The following ATXN1 variants were observed in gnomAD, a reference collection of about 807,000 sequenced individuals.
ATXN1 encodes ataxin-1.
ATXN1 carries 8 observed loss-of-function variants against 56.4 expected under a neutral mutation model. That is an observed-to-expected ratio of 0.14 (90% confidence interval 0.08 to 0.26). ATXN1 has a LOEUF of 0.26. ATXN1 is among the 10% of genes least tolerant of loss of function. ATXN1 has a pLI of 1.00. For missense variants in ATXN1, 987 were observed against 1,106.5 expected (o/e 0.89, Z 1.53); for synonymous variants, 514 against 494.6 (o/e 1.04, Z -0.52).
chr6:16,510,050 T>C (rs1342645614), intron 5 of ATXN1, among the ~76,000 whole-genome samples: 1 of 152,228 alleles, frequency 6.6e-6, no homozygotes, highest in African/African-American at 2.4e-5. Flanking sequence ...AAGTGATCAC[T>C]TCTATCTTTA....
At chr6:16,443,342 C>T (rs1304641841) in intron 6 of ATXN1, among the ~76,000 whole-genome samples, 1 of 151,680 alleles carries the variant, frequency 6.6e-6, no homozygotes, top group African/African-American at 2.4e-5. Flanking sequence ...TCAACGACTT[C>T]ACCTTGTTTT....
At chr6:16,335,643 C>G (rs1014968214) in intron 6 of ATXN1, among the ~76,000 whole-genome samples, 1 of 152,166 alleles carries the variant, frequency 6.6e-6, no homozygotes, top group African/African-American at 2.4e-5. Context: ...CACTCAGAAC[C>G]TGGGAATGGC....
At chr6:16,371,017 A>G (rs960508786) in intron 6 of ATXN1, among the ~76,000 whole-genome samples, 14 of 152,188 alleles carry the variant, frequency 9.2e-5, no homozygotes, top group African/African-American at 3.4e-4. Context: ...AGTCCCTACT[A>G]TTGGGAGCAT....
chr6:16,638,990 A>T lies in ATXN1; in HGVS notation c.-489+18786T>A, dbSNP rs531498627. ...GGGACTTGGAGAACTTTTCTGTCTT[A>T]CAAGGGGATTGTAAAATGCACCAAT... On this transcript the variant is annotated intron_variant, in intron 3 of 7. Coordinates refer to ENST00000436367, the MANE Select transcript of ATXN1 (RefSeq NM_001128164.2). Among the ~76,000 whole-genome samples the T allele has an allele frequency of 5.3e-5, 8 of 152,308 alleles. No homozygotes were observed. The East Asian group carries it at 1.5e-3, about 29-fold the overall frequency.
intron 3 of ATXN1, among the ~76,000 whole-genome samples, chr6:16,596,945 C>T (rs2113776370): frequency 6.6e-6 from 1 of 152,348 alleles, no homozygotes. Context: ...CTCTCTTTTA[C>T]CTGCTGCCAC....
At chr6:16,314,010 A>G (rs998119039) in intron 7 of ATXN1, among the ~76,000 whole-genome samples, 2 of 152,204 alleles carry the variant, frequency 1.3e-5, no homozygotes, top group Non-Finnish European at 2.9e-5. Context: ...AGATGCCACG[A>G]CCAGATATCA....
intron 5 of ATXN1, among the ~76,000 whole-genome samples, chr6:16,497,361 AAGAG>A (rs1456520181): frequency 6.6e-6 from 1 of 152,200 alleles, no homozygotes; most frequent in East Asian, 1.9e-4. Flanking sequence ...CCAGCAGAAA[AAGAG>A]AGAAAGAAAG....
chr6:16,427,943 G>A (rs1759191086), intron 6 of ATXN1, among the ~76,000 whole-genome samples: 1 of 152,140 alleles, frequency 6.6e-6, no homozygotes, highest in South Asian at 2.1e-4. Context: ...CTGTGGGAGG[G>A]GGTGCTCAGC....
At chr6:16,489,956 G>C (rs1162249587) in intron 5 of ATXN1, among the ~76,000 whole-genome samples, 1 of 152,100 alleles carries the variant, frequency 6.6e-6, no homozygotes, top group Admixed American at 6.5e-5. Flanking sequence ...GTTCCCAGGT[G>C]ATGCTGATAC....
chr6:16,676,652 T>C (rs1758667047), intron 2 of ATXN1, among the ~76,000 whole-genome samples: 1 of 152,182 alleles, frequency 6.6e-6, no homozygotes, highest in Non-Finnish European at 1.5e-5. Flanking sequence ...GTGGAATGGA[T>C]TCTTCTTCCT....
chr6:16,488,600 C>A (rs907738780), intron 5 of ATXN1, among the ~76,000 whole-genome samples: 1 of 152,162 alleles, frequency 6.6e-6, no homozygotes, highest in Non-Finnish European at 1.5e-5. Flanking sequence ...CAACTTAATT[C>A]TTCCACTAAG....
At chr6:16,550,153 T>TACAAAAAAAAAAAAAAAAAAAAAAAAA (rs1761893336) in intron 4 of ATXN1, among the ~76,000 whole-genome samples, 1 of 34,190 alleles carries the variant, frequency 2.9e-5, no homozygotes. Flanking sequence ...ATAAATAAAA[T>TACAAAAAAAAAAAAAAAAAAAAAAAAA]ACAAAAAAAA....
At chr6:16,573,043 G>A (rs368492386) in intron 4 of ATXN1, among the ~76,000 whole-genome samples, 1 of 152,178 alleles carries the variant, frequency 6.6e-6, no homozygotes, top group Non-Finnish European at 1.5e-5. Context: ...CATGGCTACT[G>A]CTAGGAACAG....
rs571312303 is a variant in ATXN1, at chr6:16,562,166, A to G, written c.-361+23614T>C. ...AGGCAGGCGGATTGCTTGAGCTCAG[A>G]GTTGGAGACCAGCCTGGGCAACACA... On this transcript the variant is annotated intron_variant, in intron 4 of 7. Coordinates refer to ENST00000436367, the MANE Select transcript of ATXN1 (RefSeq NM_001128164.2). Among the ~76,000 whole-genome samples the G allele has an allele frequency of 1.3e-4, 20 of 152,084 alleles. No individual in the cohort carries two copies. The South Asian group carries it at 3.9e-3, about 30-fold the overall frequency.
intron 6 of ATXN1, among the ~76,000 whole-genome samples, chr6:16,482,828 G>A (rs1760465844): frequency 6.6e-6 from 1 of 152,140 alleles, no homozygotes; most frequent in Non-Finnish European, 1.5e-5. Context: ...TGTGCTCAAT[G>A]TTTTAAAAAC....
intron 6 of ATXN1, among the ~76,000 whole-genome samples, chr6:16,395,046 G>C (rs181222702): frequency 6.6e-6 from 1 of 151,664 alleles, no homozygotes; most frequent in African/African-American, 2.4e-5. Flanking sequence ...GAGGCGAGGC[G>C]GATCACCCGA....
intron 4 of ATXN1, among the ~76,000 whole-genome samples, chr6:16,562,372 CA>C (rs34385461): frequency 0.2 from 13,624 of 68,644 alleles, 664 homozygotes; most frequent in East Asian, 0.27. Context: ...GATCTTGTCT[CA>C]AAAAAAAAAA....
intron 4 of ATXN1, among the ~76,000 whole-genome samples, chr6:16,540,891 A>G (rs1490030185): frequency 6.6e-6 from 1 of 152,196 alleles, no homozygotes; most frequent in East Asian, 1.9e-4. Context: ...GACTCTAATT[A>G]ATCCTTAAAT....
chr6:16,609,033 T>C (rs1444741976), intron 3 of ATXN1, among the ~76,000 whole-genome samples: 1 of 152,204 alleles, frequency 6.6e-6, no homozygotes, highest in African/African-American at 2.4e-5. Context: ...GCACCCAGCA[T>C]TTTTAACATT....
Sources: allele counts gnomAD v4.1 joint callset (sites outside exome capture counted in the v4.1 genomes callset), GRCh38; gene constraint gnomAD v4.1.1; transcripts MANE v1.5; gene names NCBI Gene and HGNC (gene_info 2026-07-23, HGNC 2026-07-21).